The following HYDIN variants were observed in gnomAD, a reference collection of about 807,000 sequenced individuals.
The protein encoded by HYDIN is HYDIN axonemal central pair apparatus protein, also known as axonemal central pair apparatus protein HYDIN.
Under a neutral mutation model 403.9 loss-of-function variants are expected in HYDIN, and 132 were observed. That is an observed-to-expected ratio of 0.33 (90% CI 0.28 to 0.38). The LOEUF (loss-of-function observed/expected upper bound fraction) is 0.38, where lower values mean the gene tolerates loss of function less well. Among genes scored for constraint, HYDIN ranks in the 10% least tolerant of loss-of-function variants. The pLI is 1.00. For missense variants in HYDIN, 2,827 were observed against 5,009.5 expected, an observed-to-expected ratio of 0.56 and a Z score of 13.15; for synonymous variants, 1,202 against 1,891.7, an observed-to-expected ratio of 0.64 and a Z score of 9.46.
chr16:70,990,135 G>C (rs2144040618), intron 25 of HYDIN, among the ~76,000 whole-genome samples: 1 of 152,126 alleles, frequency 6.6e-6, no homozygotes, highest in East Asian at 1.9e-4. Flanking sequence ...ATGTCTCATG[G>C]CTGTAATCCC....
At chr16:70,947,107 T>G (rs1298368797) in intron 41 of HYDIN, among the ~76,000 whole-genome samples, 2 of 149,094 alleles carry the variant, frequency 1.3e-5, no homozygotes, top group Non-Finnish European at 3.0e-5. Flanking sequence ...AGGGCATCCC[T>G]GTCTTGTGCC....
intron 10 of HYDIN, among the ~76,000 whole-genome samples, chr16:71,098,262 T>C (rs11075854): frequency 8.0e-5 from 12 of 149,250 alleles, no homozygotes; most frequent in African/African-American, 9.9e-5. Context: ...AGTGCAGTGG[T>C]GCGATCTCGG....
At chr16:71,024,729 G>A (rs1042656228) in intron 21 of HYDIN, among the ~76,000 whole-genome samples, 122 of 139,154 alleles carry the variant, frequency 8.8e-4, no homozygotes, top group African/African-American at 2.9e-3. Context: ...CTGACCCCCC[G>A]CCCTGAGCAG....
At chr16:70,932,904 A>C (rs1278686163) in intron 45 of HYDIN, among the ~76,000 whole-genome samples, 1 of 152,116 alleles carries the variant, frequency 6.6e-6, no homozygotes, top group Non-Finnish European at 1.5e-5. Context: ...TGACATGTTT[A>C]GAAATGTATC....
chr16:71,057,090 G>A (rs2144256057), intron 18 of HYDIN, among the ~76,000 whole-genome samples: 1 of 106,426 alleles, frequency 9.4e-6, no homozygotes, highest in South Asian at 3.5e-4. Flanking sequence ...CGGCTCACTG[G>A]ACAGAGATTG....
At chr16:71,175,778 T>G (rs370634487) in intron 4 of HYDIN, 37 bp from the exon 5 acceptor site, 1 of 1,611,342 alleles carries the variant, frequency 6.2e-7, no homozygotes, top group African/African-American at 1.3e-5. Context: ...ATCGTGCATG[T>G]GAAAAAGCAG....
Position 70,802,786 on chromosome 16 carries a change from A to C in HYDIN, c.*4794T>G. ...AAACTCGGCAAGTCATGGATATATC[A>C]TGTCTAGAAAAATCCATAAAAAATG... On this transcript the variant is annotated 3_prime_UTR_variant, in exon 86 of 86. Transcript: ENST00000393567. 6.6e-6 allele frequency: 1 copy of C among 152,222 alleles called. No individual in the cohort carries two copies. Among genetic ancestry groups the C allele is most frequent in the Non-Finnish European group, 1.5e-5 (1 of 68,036 alleles). The allele number at this position is 152,222 out of a possible 1,614,324, so 9.4% of individuals were successfully genotyped here. A position where few individuals can be genotyped will look rare whatever the true frequency, so the allele number is the denominator to read the frequency against.
At chr16:70,886,595 G>A (rs1406613029) in intron 58 of HYDIN, among the ~76,000 whole-genome samples, 1 of 152,102 alleles carries the variant, frequency 6.6e-6, no homozygotes, top group Non-Finnish European at 1.5e-5. Flanking sequence ...CATTCTTATA[G>A]GGTAAGTCTA....
At position 70,892,481 on chromosome 16, in the gene HYDIN, C is replaced by A; in HGVS notation, c.9297G>T (p.Met3099Ile). 2 of 1,596,756 alleles carry A rather than the reference C, an allele frequency of 1.3e-6. No individual in the cohort carries two copies. The highest frequency in any genetic ancestry group is 8.5e-7 in the Non-Finnish European group (1 of 1,174,524). The change falls in exon 56 of 86, where the codon ATG becomes ATT. Residue 3099 changes from methionine to isoleucine, a missense_variant. Physicochemically the swap from Met to Ile is conservative, Grantham distance 10 (BLOSUM62 1). Transcript: ENST00000393567. ...VGISTPNINS[M>I]ISVQPKKGSL... ...AACCCTTTTTGGGTTGGACTGAGAT[C>A]ATGGAATTTATATTAGGTGTTGAAA...
At chr16:71,021,233 T>C (rs1331178195) in intron 21 of HYDIN, among the ~76,000 whole-genome samples, 2 of 151,762 alleles carry the variant, frequency 1.3e-5, no homozygotes, top group African/African-American at 4.8e-5. Context: ...TTTTTTTTTT[T>C]TGAGACAGAG....
intron 7 of HYDIN, among the ~76,000 whole-genome samples, chr16:71,146,002 G>A (rs1455351703): frequency 1.3e-5 from 2 of 152,008 alleles, no homozygotes; most frequent in East Asian, 3.8e-4. Flanking sequence ...AACAAATAGC[G>A]TTTTTTGAAA....
At chr16:71,130,995 T>A (rs949137011) in intron 8 of HYDIN, among the ~76,000 whole-genome samples, 1 of 124,178 alleles carries the variant, frequency 8.1e-6, no homozygotes, top group African/African-American at 3.2e-5. Context: ...CTTTGCAGAC[T>A]GAATTTTATC....
chr16:70,862,170 A>G lies in HYDIN; in HGVS notation c.11655T>C (p.Gly3885=), dbSNP rs376951268. The change falls in exon 69 of 86, where the codon GGT becomes GGC. Residue 3885 remains glycine, a synonymous_variant. Transcript: ENST00000393567. ...GCTCCACAGAGAAGGGCTGTGGGGA[A>G]CCCTCGGCCCAGTGGTCCATGGTGC... The part of the protein sequence containing the change: ...LDSTMDHWAE[G]SPQPFSVEPS... 1 of 1,612,468 alleles carries G rather than the reference A, an allele frequency of 6.2e-7. No homozygotes were observed. Among genetic ancestry groups the G allele is most frequent in the African/African-American group, 1.3e-5 (1 of 74,778 alleles).
chr16:70,872,875 CCCATCCAT>C (rs1323089501), intron 64 of HYDIN, among the ~76,000 whole-genome samples: 2 of 150,262 alleles, frequency 1.3e-5, no homozygotes, highest in Admixed American at 6.6e-5. Context: ...CCATCATCCA[CCCATCCAT>C]CCATTAATTC....
chr16:70,819,268 A>T (rs59392275), intron 83 of HYDIN, among the ~76,000 whole-genome samples: 3 of 151,944 alleles, frequency 2.0e-5, no homozygotes, highest in Non-Finnish European at 4.4e-5. Context: ...AAAAACAACA[A>T]TAGCATCTGA....
intron 30 of HYDIN, among the ~76,000 whole-genome samples, chr16:70,976,924 CA>C (rs1159574288): frequency 6.6e-6 from 1 of 151,748 alleles, no homozygotes; most frequent in African/African-American, 2.4e-5. Flanking sequence ...GGAAGTGTGA[CA>C]AACTGGGAGA....
chr16:71,213,647 C>A (rs967811851), intron 1 of HYDIN, among the ~76,000 whole-genome samples: 11 of 152,038 alleles, frequency 7.2e-5, no homozygotes, highest in Admixed American at 5.2e-4. Flanking sequence ...TTAACATTAG[C>A]AAAACAATGT....
At chr16:70,811,645 A>G (rs567369284) in intron 84 of HYDIN, among the ~76,000 whole-genome samples, 56 of 150,258 alleles carry the variant, frequency 3.7e-4, no homozygotes, top group African/African-American at 1.1e-3. Flanking sequence ...ATCACCTGAG[A>G]TTGGGAGTTT....
chr16:71,037,467 T>A (rs1170778995), intron 18 of HYDIN, among the ~76,000 whole-genome samples: 1 of 152,030 alleles, frequency 6.6e-6, no homozygotes, highest in Non-Finnish European at 1.5e-5. Context: ...CTCCCCCAGT[T>A]ACTTAGTCAA....
Sources: allele counts gnomAD v4.1 joint callset (sites outside exome capture counted in the v4.1 genomes callset), GRCh38; gene constraint gnomAD v4.1.1; transcripts MANE v1.5; gene names NCBI Gene and HGNC (gene_info 2026-07-23, HGNC 2026-07-21).